PDE10A: variants seen among roughly 807,000 people sequenced by gnomAD.
PDE10A encodes the protein phosphodiesterase 10A.
In PDE10A, 39 loss-of-function variants were observed where a neutral mutation model predicts 97.7. The observed-to-expected ratio is 0.40, with a 90% CI of 0.31 to 0.52. The LOEUF (loss-of-function observed/expected upper bound fraction) is 0.52, where lower values mean the gene tolerates loss of function less well. PDE10A is among the 20% of genes least tolerant of loss of function. The probability of loss-of-function intolerance (pLI) is 0.56; values close to 1 mark genes in which losing one functional copy is unlikely to be tolerated. For missense variants in PDE10A, 731 were observed against 1,047.8 expected, an observed-to-expected ratio of 0.70 and a Z score of 4.17; for synonymous variants, 371 against 376.8, an observed-to-expected ratio of 0.98 and a Z score of 0.18.
chr6:165,808,631 T>A (rs763081139), intron 1 of PDE10A, among the ~76,000 whole-genome samples: 1 of 152,230 alleles, frequency 6.6e-6, no homozygotes, highest in East Asian at 1.9e-4. Flanking sequence ...CCGTGTCACA[T>A]CTCATATCTT....
chr6:165,971,440 C>T (rs2128501122), intron 1 of PDE10A, among the ~76,000 whole-genome samples: 1 of 152,328 alleles, frequency 6.6e-6, no homozygotes, highest in African/African-American at 2.4e-5. Context: ...TCCTATAAGA[C>T]TGAAAATTCC....
intron 18 of PDE10A, among the ~76,000 whole-genome samples, chr6:165,374,589 G>A (rs1007171503): frequency 3.3e-5 from 5 of 152,136 alleles, no homozygotes; most frequent in East Asian, 3.9e-4. Flanking sequence ...AGAGACTGGC[G>A]TATTTACTGA....
chr6:165,432,230 G>C (rs1487025113), intron 7 of PDE10A, among the ~76,000 whole-genome samples: 1 of 152,182 alleles, frequency 6.6e-6, no homozygotes. Context: ...AAAAGCAGAA[G>C]AAGAGAGAAA....
intron 1 of PDE10A, among the ~76,000 whole-genome samples, chr6:165,708,752 C>CTGCCACGCTCACCACCCACTCTCCACCCA (rs1791791040): frequency 8.3e-6 from 1 of 120,302 alleles, no homozygotes; most frequent in Non-Finnish European, 1.8e-5. Flanking sequence ...CTCTCCACCG[C>CTGCCACGCTCACCACCCACTCTCCACCCA]CATGCTGCCA....
intron 3 of PDE10A, 26 bp from the exon 4 acceptor site, chr6:165,450,388 A>C: frequency 7.1e-7 from 1 of 1,411,946 alleles, no homozygotes; most frequent in South Asian, 1.3e-5. Flanking sequence ...AACAAAAATA[A>C]AAACAGAGTT....
intron 1 of PDE10A, among the ~76,000 whole-genome samples, chr6:165,658,897 C>A (rs1790095393): frequency 6.6e-6 from 1 of 152,110 alleles, no homozygotes; most frequent in African/African-American, 2.4e-5. Context: ...GGCCACTGAC[C>A]CCTGGGCATT....
chr6:165,887,274 C>A (rs1464997766), intron 1 of PDE10A, among the ~76,000 whole-genome samples: 1 of 152,298 alleles, frequency 6.6e-6, no homozygotes, highest in South Asian at 2.1e-4. Flanking sequence ...TCTATCTGGA[C>A]AATCTCATTT....
intron 1 of PDE10A, among the ~76,000 whole-genome samples, chr6:165,909,805 C>T (rs533732849): frequency 6.6e-6 from 1 of 152,124 alleles, no homozygotes. Flanking sequence ...CCCAAGCCCA[C>T]CTTGACAAAC....
At chr6:165,447,212 C>T (rs767076752) in intron 5 of PDE10A, among the ~76,000 whole-genome samples, 5 of 152,184 alleles carry the variant, frequency 3.3e-5, no homozygotes, top group Admixed American at 6.5e-5. Flanking sequence ...CATAGGGTTC[C>T]TGCTGCCTGC....
chr6:165,751,404 G>A (rs1194432942), intron 1 of PDE10A, among the ~76,000 whole-genome samples: 1 of 152,146 alleles, frequency 6.6e-6, no homozygotes, highest in Non-Finnish European at 1.5e-5. Context: ...TGGAACTGAG[G>A]GCAGCAAAAG....
chr6:165,747,586 T>G (rs552584385), intron 1 of PDE10A, among the ~76,000 whole-genome samples: 3 of 117,018 alleles, frequency 2.6e-5, no homozygotes, highest in African/African-American at 1.1e-4. Context: ...AATGATCAAG[T>G]TTTTTTTTTT....
At chr6:165,634,941 T>C (rs1788804057) in intron 1 of PDE10A, among the ~76,000 whole-genome samples, 1 of 152,234 alleles carries the variant, frequency 6.6e-6, no homozygotes. Context: ...GTCCCTGGCC[T>C]GTGTTCATTT....
chr6:165,469,421 T>C (rs999153512), intron 3 of PDE10A, among the ~76,000 whole-genome samples: 1 of 152,244 alleles, frequency 6.6e-6, no homozygotes, highest in African/African-American at 2.4e-5. Context: ...GAGGTTGCTA[T>C]GGCTGTAGTT....
At chr6:165,725,808 C>T (rs748644827) in intron 1 of PDE10A, among the ~76,000 whole-genome samples, 8 of 152,258 alleles carry the variant, frequency 5.3e-5, no homozygotes, top group Non-Finnish European at 1.0e-4. Context: ...TCTTTCTGCC[C>T]CTAGCAAGCA....
intron 3 of PDE10A, among the ~76,000 whole-genome samples, chr6:165,460,629 T>C (rs531479344): frequency 6.6e-6 from 1 of 152,340 alleles, no homozygotes; most frequent in Admixed American, 6.5e-5. Flanking sequence ...TTTAACATAG[T>C]TGGAGTTGGT....
chr6:165,532,936 C>T (rs1243851560), intron 2 of PDE10A, among the ~76,000 whole-genome samples: 1 of 152,114 alleles, frequency 6.6e-6, no homozygotes, highest in East Asian at 1.9e-4. Flanking sequence ...AGAAGTTTCT[C>T]AAGGTCAGTA....
At chr6:165,535,498 T>C (rs676101) in intron 2 of PDE10A, among the ~76,000 whole-genome samples, 103,708 of 151,726 alleles carry the variant, frequency 0.68, 39,171 homozygotes, top group Non-Finnish European at 0.83. Flanking sequence ...TTCTGAGTTA[T>C]TTCATTTAAG....
chr6:165,528,103 C>T (rs554507529), intron 2 of PDE10A, among the ~76,000 whole-genome samples: 71 of 152,210 alleles, frequency 4.7e-4, no homozygotes, highest in Non-Finnish European at 7.9e-4. Context: ...CTGTAACCAA[C>T]GGTTTGGGTG....
chr6:165,833,613 G>T (rs1218071514), intron 1 of PDE10A, among the ~76,000 whole-genome samples: 1 of 152,262 alleles, frequency 6.6e-6, no homozygotes, highest in African/African-American at 2.4e-5. Context: ...AGTTCCTTCA[G>T]CATGAGGGGG....
Sources: gnomAD v4.1 joint callset for allele counts (sites outside exome capture counted in the v4.1 genomes callset) on GRCh38, gnomAD v4.1.1 for gene constraint, MANE v1.5 for transcripts, NCBI Gene and HGNC (gene_info 2026-07-23, HGNC 2026-07-21) for gene names.